Variants in TMTC1 observed in about 807,000 individuals in gnomAD.
TMTC1 encodes transmembrane O-mannosyltransferase targeting cadherins 1.
A neutral mutation model predicts 104.8 loss-of-function variants in TMTC1; 73 were observed. The ratio of observed to expected loss-of-function variants is 0.70; its 90% CI spans 0.58 to 0.85. The LOEUF (loss-of-function observed/expected upper bound fraction) is 0.85, where lower values mean the gene tolerates loss of function less well. Ranked by LOEUF, TMTC1 falls within the 40% of genes least tolerant of loss-of-function variation. The pLI is 0.00. For missense variants in TMTC1, 1,035 were observed against 1,096.1 expected, an observed-to-expected ratio of 0.94 and a Z score of 0.79; for synonymous variants, 434 against 428.7, an observed-to-expected ratio of 1.01 and a Z score of -0.15.
chr12:29,583,317 GC>G (rs1946034332), intron 8 of TMTC1, 89 bp downstream of exon 8: 1 of 1,263,210 alleles, frequency 7.9e-7, no homozygotes, highest in Admixed American at 2.4e-5. Context: ...AGTAAATACT[GC>G]CAGGCCCATG....
In TMTC1 at chr12:29,517,463, T is replaced by TG. The variant is rs780402869; in HGVS notation, c.2132dup (p.Leu712ThrfsTer26). The TG allele has an allele frequency of 1.1e-5, 17 of 1,614,164 alleles. No individual in the cohort carries two copies. Among genetic ancestry groups the TG allele is most frequent in the Non-Finnish European group, 1.4e-5 (16 of 1,180,032 alleles). ...GGAGCTCCCTCTGAGAAGGCTGAAG[T>TG]GCTGCAGCTTCCTGGTAAATCTGCA... On this transcript the variant is annotated frameshift_variant, in exon 14 of 18. Transcript: ENST00000539277. LOFTEE classifies it high-confidence loss of function.
chr12:29,599,915 T>C (rs1946509007), intron 7 of TMTC1, among the ~76,000 whole-genome samples: 2 of 146,832 alleles, frequency 1.4e-5, no homozygotes, highest in African/African-American at 5.3e-5. Context: ...TGTATATATA[T>C]GTGTATATAT....
rs1565638533 is a variant in TMTC1, at chr12:29,517,513, T to C, written c.2083A>G (p.Asn695Asp). ...AAAGCCTCTTCGTATCGGCCAGTGT[T>C]GTAATACAGTGCTCCCAAAGGTGAC... Reference protein sequence around the residue: ...ILSPLGALYYNTGRYEEALQI... With the variant: ...ILSPLGALYYDTGRYEEALQI... Residue 695 changes from asparagine (N) to aspartate (D), a missense_variant, in exon 14 of 18, where the codon AAC becomes GAC. Coordinates refer to ENST00000539277, the MANE Select transcript of TMTC1 (RefSeq NM_001193451.2). 6.2e-7 allele frequency: 1 copy of C among 1,614,172 alleles called. No homozygotes were observed. Among genetic ancestry groups the C allele is most frequent in the Non-Finnish European group, 8.5e-7 (1 of 1,180,026 alleles).
intron 7 of TMTC1, among the ~76,000 whole-genome samples, chr12:29,594,831 C>T (rs1359718166): frequency 6.6e-6 from 1 of 152,140 alleles, no homozygotes; most frequent in Non-Finnish European, 1.5e-5. Context: ...AGAATGCTAA[C>T]TTGCTAAGTG....
At position 29,644,157 on chromosome 12, in the gene TMTC1, A is replaced by G. The variant is rs573877671; in HGVS notation, c.939-10821T>C. On this transcript the variant is annotated intron_variant, in intron 5 of 17. Coordinates refer to ENST00000539277, the MANE Select transcript of TMTC1 (RefSeq NM_001193451.2). ...TGTGTGTGTGTGTGTGTGTATATAT[A>G]TATATAATGAAATACTAAACAGCCA... Among the ~76,000 whole-genome samples the G allele has an allele frequency of 6.7e-4, 76 of 113,868 alleles. 2 individuals carry two copies. The highest frequency in any genetic ancestry group is 2.1e-3 in the African/African-American group (74 of 35,088). The allele number at this position is 113,868 out of a possible 152,430, so 74.7% of individuals were successfully genotyped here.
Position 29,642,659 on chromosome 12 carries a change from C to T in TMTC1, c.939-9323G>A, listed in dbSNP as rs533086090. Among the ~76,000 whole-genome samples the T allele has an allele frequency of 3.8e-3, 582 of 152,212 alleles. 1 individual carries two copies. The highest frequency in any genetic ancestry group is 6.1e-3 in the Non-Finnish European group (412 of 68,002). On this transcript the variant is annotated intron_variant, in intron 5 of 17. Transcript: ENST00000539277. The stretch of plus-strand genomic sequence containing the variant: ...ATAAAAAATAGGCCAGGCGCAGTGG[C>T]TCACGCCTGTAATCCCAGCACTTTG...
At chr12:29,533,258 G>A (rs1323182357) in intron 11 of TMTC1, 4 of 151,962 alleles carry the variant, frequency 2.6e-5, no homozygotes, top group South Asian at 2.1e-4. Flanking sequence ...TACTTTGCGC[G>A]AACAGATTAA....
rs1383168193 is a variant in TMTC1, at chr12:29,698,939, A to G, written c.938+52727T>C. Among the ~76,000 whole-genome samples, 83 of 152,114 alleles carry G rather than the reference A, an allele frequency of 5.5e-4. 3 individuals carry two copies. The highest frequency in any genetic ancestry group is 5.9e-5 in the Non-Finnish European group (4 of 68,028). ...GGCCTGTCAGCATTCCTTTCAGGAA[A>G]CTCCTGCTGCTTTATTAGGATGAAT... On this transcript the variant is annotated intron_variant, in intron 5 of 17. Transcript: ENST00000539277.
intron 10 of TMTC1, among the ~76,000 whole-genome samples, chr12:29,556,256 G>A (rs1393385018): frequency 2.6e-5 from 4 of 152,176 alleles, no homozygotes; most frequent in Non-Finnish European, 5.9e-5. Flanking sequence ...TAGAGGTTAT[G>A]TCTGAGAATT....
intron 6 of TMTC1, among the ~76,000 whole-genome samples, chr12:29,605,023 T>C (rs1946661688): frequency 6.6e-6 from 1 of 152,182 alleles, no homozygotes; most frequent in South Asian, 2.1e-4. Flanking sequence ...TTATTACTGA[T>C]AATATGTTGC....
At position 29,606,478 on chromosome 12, in the gene TMTC1, A is replaced by C. The variant is rs187679660; in HGVS notation, c.1129-2179T>G. On this transcript the variant is annotated intron_variant, in intron 6 of 17. Coordinates refer to ENST00000539277, the MANE Select transcript of TMTC1 (RefSeq NM_001193451.2). Reference sequence around the variant, plus strand: ...GTTCCTCATTCACTCTGAGCTTATTATTGGGTAGTAAGTTGCTATTCCCTT... The same window carrying C: ...GTTCCTCATTCACTCTGAGCTTATTCTTGGGTAGTAAGTTGCTATTCCCTT... Among the ~76,000 whole-genome samples, 4 of 152,344 alleles carry C rather than the reference A, an allele frequency of 2.6e-5. No homozygotes were observed. The East Asian group carries it at 7.7e-4, about 29-fold the overall frequency.
rs1945636640 is a variant in TMTC1, at chr12:29,570,484, A to G, written c.1532+1621T>C. Among the ~76,000 whole-genome samples the G allele has an allele frequency of 2.0e-5, 3 of 152,222 alleles. 1 individual carries two copies. The South Asian group carries it at 6.2e-4, about 31-fold the overall frequency. On this transcript the variant is annotated intron_variant, in intron 9 of 17. Transcript: ENST00000539277. ...GCTTTGATACAATTATTCCTCTGGA[A>G]CTTATAATTCTTGTAATATTTGGGA...
chr12:29,606,855 G>A (rs1408322606), intron 6 of TMTC1, among the ~76,000 whole-genome samples: 1 of 151,924 alleles, frequency 6.6e-6, no homozygotes, highest in African/African-American at 2.4e-5. Flanking sequence ...ACTACGGTGG[G>A]TGTTCACTTT....
At position 29,633,128 on chromosome 12, in the gene TMTC1, CTACTTT is replaced by C; in HGVS notation, c.1128+13_1128+18del. On this transcript the variant is annotated intron_variant, in intron 6 of 17. Coordinates refer to ENST00000539277, the MANE Select transcript of TMTC1 (RefSeq NM_001193451.2). ...TCTGTCTTCAAATGCAGAGTTCATT[CTACTTT>C]TGAGAAAATTACCTTAAAGGCTGCT... 6.3e-7 allele frequency: 1 copy of C among 1,599,716 alleles called. No individual in the cohort carries two copies. The highest frequency in any genetic ancestry group is 8.6e-7 in the Non-Finnish European group (1 of 1,169,324).
chr12:29,613,996 G>C, intron 6 of TMTC1: 1 of 905,196 alleles, frequency 1.1e-6, no homozygotes, highest in African/African-American at 1.8e-5. Flanking sequence ...TAAGGAGAAA[G>C]AACCATAAAA....
At chr12:29,674,470 A>C (rs532268277) in intron 5 of TMTC1, among the ~76,000 whole-genome samples, 121 of 152,350 alleles carry the variant, frequency 7.9e-4, no homozygotes, top group African/African-American at 2.7e-3. Context: ...TAGTAGAGGA[A>C]AAGATTTAAT....
intron 9 of TMTC1, among the ~76,000 whole-genome samples, chr12:29,571,569 A>C (rs1592250518): frequency 7.4e-6 from 1 of 134,294 alleles, no homozygotes; most frequent in East Asian, 2.3e-4. Flanking sequence ...GGAGAATGTT[A>C]ATACACACAC....
At position 29,516,473 on chromosome 12, in the gene TMTC1, G is replaced by T; in HGVS notation, c.2183C>A (p.Ala728Asp). 6.2e-7 allele frequency: 1 copy of T among 1,613,288 alleles called. No homozygotes were observed. Among genetic ancestry groups the T allele is most frequent in the Non-Finnish European group, 8.5e-7 (1 of 1,179,596 alleles). The change falls in exon 15 of 18, where the codon GCC (alanine) becomes GAC (aspartate). Residue 728 changes from alanine to aspartate, a missense_variant. Coordinates refer to ENST00000539277, the MANE Select transcript of TMTC1 (RefSeq NM_001193451.2). ...ELRLALAQVLAVMGQTKEAEK... is the reference protein window; with the variant it reads ...ELRLALAQVLDVMGQTKEAEK... ...AGCTTCTTTTGTCTGACCCATCACG[G>T]CCAAAACCTGAGCCTACAAAACCAC...
intron 1 of TMTC1, among the ~76,000 whole-genome samples, chr12:29,770,457 A>G (rs916537559): frequency 1.3e-5 from 2 of 152,186 alleles, no homozygotes; most frequent in African/African-American, 2.4e-5. Flanking sequence ...CTTAAATTTA[A>G]TAACAGGCCC....
Sources: gnomAD v4.1 joint callset for allele counts (sites outside exome capture counted in the v4.1 genomes callset) on GRCh38, gnomAD v4.1.1 for gene constraint, MANE v1.5 for transcripts, NCBI Gene and HGNC (gene_info 2026-07-23, HGNC 2026-07-21) for gene names.